Variants in SLC9B1 observed in about 807,000 individuals in gnomAD.
The protein encoded by SLC9B1 is sodium/hydrogen exchanger 9B1.
SLC9B1 carries 32 observed loss-of-function variants against 51.7 expected under a neutral mutation model. That is an observed-to-expected ratio of 0.62 (90% confidence interval 0.47 to 0.83). The LOEUF is 0.83. Among genes scored for constraint, SLC9B1 ranks in the 40% least tolerant of loss-of-function variants. The probability of loss-of-function intolerance (pLI) is 0.00; values close to 1 mark genes in which losing one functional copy is unlikely to be tolerated. For synonymous variants in SLC9B1, 145 were observed against 212.7 expected, an observed-to-expected ratio of 0.68 and a Z score of 2.77; for missense variants, 406 against 613.2, an observed-to-expected ratio of 0.66 and a Z score of 3.57.
At chr4:103,010,734 T>A (rs1324166457) in intron 1 of SLC9B1, among the ~76,000 whole-genome samples, 1 of 152,180 alleles carries the variant, frequency 6.6e-6, no homozygotes, top group Non-Finnish European at 1.5e-5. Flanking sequence ...GAAAAGGGGC[T>A]AGCTAGCTCC....
chr4:102,982,243 A>G (rs1739399789), intron 3 of SLC9B1, among the ~76,000 whole-genome samples: 1 of 151,954 alleles, frequency 6.6e-6, no homozygotes, highest in African/African-American at 2.4e-5. Context: ...TCTGGACTCT[A>G]TTCTGTTTGA....
chr4:103,012,060 T>A (rs1275074811), intron 1 of SLC9B1, among the ~76,000 whole-genome samples: 1 of 152,270 alleles, frequency 6.6e-6, no homozygotes, highest in Non-Finnish European at 1.5e-5. Context: ...CTGGTTAGGC[T>A]GAAAAATTTC....
chr4:102,887,068 G>T (rs541728309), intron 11 of SLC9B1, among the ~76,000 whole-genome samples: 23 of 152,122 alleles, frequency 1.5e-4, no homozygotes, highest in Non-Finnish European at 2.5e-4. Context: ...GAACTTATTC[G>T]ATTCCCTTTT....
chr4:102,937,787 T>C (rs530765460), intron 6 of SLC9B1, among the ~76,000 whole-genome samples: 1 of 150,076 alleles, frequency 6.7e-6, no homozygotes, highest in South Asian at 2.1e-4. Context: ...AAACTTCATA[T>C]TGAAGGAGAA....
intron 9 of SLC9B1, among the ~76,000 whole-genome samples, chr4:102,906,882 C>T (rs2110427911): frequency 6.6e-6 from 1 of 152,260 alleles, no homozygotes; most frequent in African/African-American, 2.4e-5. Context: ...TACCACCATG[C>T]TGGGCTAATT....
intron 1 of SLC9B1, among the ~76,000 whole-genome samples, chr4:103,008,171 T>G (rs1740889142): frequency 6.6e-6 from 1 of 152,214 alleles, no homozygotes; most frequent in African/African-American, 2.4e-5. Context: ...TATCTTGCTA[T>G]TATGGGAATT....
chr4:102,910,099 G>A (rs1735267534), intron 9 of SLC9B1, among the ~76,000 whole-genome samples: 1 of 152,044 alleles, frequency 6.6e-6, no homozygotes, highest in African/African-American at 2.4e-5. Context: ...ACAGGCATGA[G>A]CCACCGTCCC....
chr4:103,000,116 C>A (rs1740443333), intron 1 of SLC9B1, among the ~76,000 whole-genome samples: 1 of 152,140 alleles, frequency 6.6e-6, no homozygotes, highest in African/African-American at 2.4e-5. Context: ...TCACCTTCCT[C>A]CCTTGACACA....
At chr4:102,895,475 T>C (rs1734491669) in intron 11 of SLC9B1, among the ~76,000 whole-genome samples, 1 of 152,144 alleles carries the variant, frequency 6.6e-6, no homozygotes, top group South Asian at 2.1e-4. Context: ...ATAATAAATA[T>C]TGGGGACATT....
At position 102,945,281 on chromosome 4, in the gene SLC9B1, C is replaced by CTGT; in HGVS notation, c.564_565insACA (p.Ala188_Val189insThr). The CTGT allele has an allele frequency of 6.2e-7, 1 of 1,602,346 alleles. No homozygotes were observed. The highest frequency in any genetic ancestry group is 8.5e-7 in the Non-Finnish European group (1 of 1,172,204). On this transcript the variant is annotated inframe_insertion, in exon 6 of 12. Coordinates refer to ENST00000296422, the MANE Select transcript of SLC9B1 (RefSeq NM_139173.4). ...CTTGCCTCCATAAGGCATGGACCTA[C>CTGT]AGCCAATCTGAAACAAACGACCTTC...
chr4:102,967,812 A>G (rs564315331), intron 3 of SLC9B1, among the ~76,000 whole-genome samples: 12 of 152,368 alleles, frequency 7.9e-5, no homozygotes, highest in African/African-American at 2.9e-4. Flanking sequence ...AATAAATTTA[A>G]CAAAATAAGT....
chr4:102,994,253 T>C (rs113751000), intron 1 of SLC9B1, among the ~76,000 whole-genome samples: 8,696 of 152,204 alleles, frequency 0.057, 543 homozygotes, highest in African/African-American at 0.15. Context: ...CTGCCAGATA[T>C]CCTAAATTAT....
chr4:102,973,414 C>T (rs1738866235), intron 3 of SLC9B1, among the ~76,000 whole-genome samples: 1 of 151,732 alleles, frequency 6.6e-6, no homozygotes, highest in Non-Finnish European at 1.5e-5. Context: ...CACAAATTGA[C>T]AGAATTACAA....
rs569266910 is a variant in SLC9B1, at chr4:102,940,651, G to T, written c.653+4542C>A. Among the ~76,000 whole-genome samples the T allele has an allele frequency of 9.9e-5, 15 of 152,266 alleles. No individual in the cohort carries two copies. In the South Asian group the frequency reaches 3.1e-3, roughly 32 times the overall value. The stretch of plus-strand genomic sequence containing the variant: ...ATGCTACAGTAAGCAAAACAGCATG[G>T]TTATGCTCAGCAAAAGAAATAATCA... On this transcript the variant is annotated intron_variant, in intron 6 of 11. Transcript: ENST00000296422.
intron 3 of SLC9B1, among the ~76,000 whole-genome samples, chr4:102,987,024 T>C (rs575199150): frequency 1.3e-5 from 2 of 152,314 alleles, no homozygotes; most frequent in East Asian, 3.9e-4. Context: ...GTTGTAAATT[T>C]TAGTTGAAAG....
At chr4:102,964,291 A>G (rs934834548) in intron 3 of SLC9B1, among the ~76,000 whole-genome samples, 79 of 152,146 alleles carry the variant, frequency 5.2e-4, no homozygotes, top group African/African-American at 1.7e-3. Flanking sequence ...AAGTAAAGAA[A>G]TTGCATCAGT....
chr4:102,933,436 T>A (rs186371692), intron 6 of SLC9B1, among the ~76,000 whole-genome samples: 1 of 152,366 alleles, frequency 6.6e-6, no homozygotes, highest in Admixed American at 6.5e-5. Context: ...TCCTAAACTC[T>A]GCTGCACATT....
chr4:102,911,352 T>A, intron 8 of SLC9B1, 79 bp downstream of exon 8: 1 of 955,614 alleles, frequency 1.0e-6, no homozygotes, highest in South Asian at 1.6e-5. Flanking sequence ...AGTATTAAAT[T>A]TCATCGACCT....
intron 1 of SLC9B1, among the ~76,000 whole-genome samples, chr4:102,994,747 G>A (rs1230718962): frequency 6.6e-6 from 1 of 152,158 alleles, no homozygotes; most frequent in South Asian, 2.1e-4. Flanking sequence ...TCTTCACAAG[G>A]CAGCAGGAAA....
Sources: allele counts gnomAD v4.1 joint callset (sites outside exome capture counted in the v4.1 genomes callset), GRCh38; gene constraint gnomAD v4.1.1; transcripts MANE v1.5; gene names NCBI Gene and HGNC (gene_info 2026-07-23, HGNC 2026-07-21).